The following OTUD7A variants were observed in gnomAD, a reference collection of about 807,000 sequenced individuals.
OTUD7A encodes the protein OTU deubiquitinase 7A, also known as OTU domain-containing protein 7A.
Under a neutral mutation model 65.7 loss-of-function variants are expected in OTUD7A, and 12 were observed. That is an observed-to-expected ratio of 0.18 (90% CI 0.12 to 0.30). The LOEUF is 0.30. Among genes scored for constraint, OTUD7A ranks in the 10% least tolerant of loss-of-function variants. The probability of loss-of-function intolerance (pLI) is 1.00; values close to 1 mark genes in which losing one functional copy is unlikely to be tolerated. For missense variants in OTUD7A, 1,148 were observed against 1,304.8 expected, an observed-to-expected ratio of 0.88 and a Z score of 1.85; for synonymous variants, 641 against 586.3, an observed-to-expected ratio of 1.09 and a Z score of -1.35.
intron 5 of OTUD7A, among the ~76,000 whole-genome samples, chr15:31,548,019 C>T (rs979515263): frequency 2.0e-5 from 3 of 152,214 alleles, no homozygotes; most frequent in Non-Finnish European, 2.9e-5. Flanking sequence ...CTTCTTGCCA[C>T]GCTTGGTCTG....
intron 5 of OTUD7A, among the ~76,000 whole-genome samples, chr15:31,531,482 A>T (rs1887618201): frequency 6.9e-6 from 1 of 144,442 alleles, no homozygotes; most frequent in Non-Finnish European, 1.5e-5. Flanking sequence ...CATATCCCAG[A>T]TTAGATACTG....
chr15:31,863,518 A>T (rs2141019515), intron 1 of OTUD7A, among the ~76,000 whole-genome samples: 1 of 152,310 alleles, frequency 6.6e-6, no homozygotes, highest in East Asian at 1.9e-4. Flanking sequence ...CAGCACCTGG[A>T]AGCTGCTAAG....
At position 31,509,425 on chromosome 15, in the gene OTUD7A, C is replaced by T. The variant is rs574731213; in HGVS notation, c.894-5607G>A. Among the ~76,000 whole-genome samples the T allele has an allele frequency of 2.1e-3, 324 of 152,098 alleles. 1 individual carries two copies. Among genetic ancestry groups the T allele is most frequent in the African/African-American group, 7.4e-3 (306 of 41,506 alleles). On this transcript the variant is annotated intron_variant, in intron 8 of 12. Transcript: ENST00000307050. ...TCCCGAGTAGCTGGGACTACAGGTG[C>T]CTGCCTCCATGCCCGGCTATTTTTT...
In OTUD7A at chr15:31,755,442, C is replaced by A. The variant is rs1894784420; in HGVS notation, c.-99-98365G>T. ...CTTAAACAAAAGTGCTAGTCTTTGG[C>A]TGGGCACGGCAGCTCACGCCTGTAA... is the stretch of plus-strand genomic sequence containing the variant. On this transcript the variant is annotated intron_variant, in intron 1 of 12. Transcript: ENST00000307050. Among the ~76,000 whole-genome samples, 3 of 152,168 alleles carry A rather than the reference C, an allele frequency of 2.0e-5. No homozygotes were observed. The South Asian group carries it at 6.2e-4, about 32-fold the overall frequency.
intron 5 of OTUD7A, among the ~76,000 whole-genome samples, chr15:31,555,280 T>C (rs527744336): frequency 1.3e-5 from 2 of 152,278 alleles, no homozygotes; most frequent in African/African-American, 4.8e-5. Flanking sequence ...ACAGAAATAA[T>C]GTTTCCTGCC....
intron 8 of OTUD7A, among the ~76,000 whole-genome samples, chr15:31,513,351 AC>A (rs1447860260): frequency 1.3e-5 from 2 of 152,222 alleles, no homozygotes; most frequent in African/African-American, 4.8e-5. Context: ...ACATCCTCCT[AC>A]ACAACCACCA....
chr15:31,866,286 TG>T (rs752984093), intron 1 of OTUD7A, among the ~76,000 whole-genome samples: 9 of 152,226 alleles, frequency 5.9e-5, no homozygotes, highest in Non-Finnish European at 1.0e-4. Flanking sequence ...CTTGGCCAGC[TG>T]TAGCTGCTGC....
At chr15:31,671,050 C>A (rs772492963) in intron 1 of OTUD7A, among the ~76,000 whole-genome samples, 18 of 152,234 alleles carry the variant, frequency 1.2e-4, no homozygotes, top group Non-Finnish European at 1.9e-4. Flanking sequence ...CTGACAACAG[C>A]TTCCTTTGCT....
Position 31,483,397 on chromosome 15 carries a change from T to G in OTUD7A, c.2699A>C (p.Glu900Ala), listed in dbSNP as rs1238612822. The change falls in exon 13 of 13, where the codon GAG becomes GCG. Residue 900 changes from glutamate (E) to alanine (A), a missense_variant. Coordinates refer to ENST00000307050, the MANE Select transcript of OTUD7A (RefSeq NM_001382637.1). The part of the protein sequence containing the change: ...PGPVQRRCQR[E>A]NCAFYGRAET... ...GGCGCGCCCGTAGAACGCACAGTTC[T>G]CGCGCTGGCAGCGCCGCTGCACCGG... 2.2e-6 allele frequency: 3 copies of G among 1,346,774 alleles called. No individual in the cohort carries two copies. The highest frequency in any genetic ancestry group is 2.9e-6 in the Non-Finnish European group (3 of 1,047,860). 83.4% of individuals were successfully genotyped at this position (1,346,774 alleles called of 1,614,324 possible). A position where few individuals can be genotyped will look rare whatever the true frequency, so the allele number is the denominator to read the frequency against.
At chr15:31,587,295 T>C (rs12900845) in intron 3 of OTUD7A, among the ~76,000 whole-genome samples, 1,828 of 152,208 alleles carry the variant, frequency 0.012, 14 homozygotes, top group Non-Finnish European at 0.018. Context: ...TCCACCCCAG[T>C]GTGCCCTGTC....
chr15:31,487,153 G>T lies in OTUD7A; in HGVS notation c.1371+41C>A. The T allele has an allele frequency of 1.9e-6, 3 of 1,582,092 alleles. No individual in the cohort carries two copies. Among genetic ancestry groups the T allele is most frequent in the Non-Finnish European group, 2.6e-6 (3 of 1,153,488 alleles). Reference sequence around the variant, plus strand: ...GGTCAGACTGGAGCTGAGCAGCCTGGACCCTGCTGCCAGGTCTGGTCCCAG... The same window carrying T: ...GGTCAGACTGGAGCTGAGCAGCCTGTACCCTGCTGCCAGGTCTGGTCCCAG... On this transcript the variant is annotated intron_variant, in intron 12 of 12. Coordinates refer to ENST00000307050, the MANE Select transcript of OTUD7A (RefSeq NM_001382637.1). The surrounding 1 kb of genome is among the most constrained non-coding windows in gnomAD (Gnocchi z 6.0).
rs192780056 is a variant in OTUD7A, at chr15:31,770,092, C to T, written c.-100+100415G>A. Among the ~76,000 whole-genome samples, 808 of 152,028 alleles carry T rather than the reference C, an allele frequency of 5.3e-3. 7 individuals carry two copies. The highest frequency in any genetic ancestry group is 0.019 in the African/African-American group (769 of 41,448). ...CACAAAAGCAGAACAATGAAAACAA[C>T]GAAGACCAGAACAGAAAACAGAAAA... On this transcript the variant is annotated intron_variant, in intron 1 of 12. Transcript: ENST00000307050.
At chr15:31,548,382 A>C (rs1454482315) in intron 5 of OTUD7A, among the ~76,000 whole-genome samples, 1 of 152,136 alleles carries the variant, frequency 6.6e-6, no homozygotes, top group Non-Finnish European at 1.5e-5. Flanking sequence ...TTATTCTTTT[A>C]AGAAAATCCA....
chr15:31,478,597 C>T lies in OTUD7A; in HGVS notation c.*4697G>A, dbSNP rs1226433514. The T allele has an allele frequency of 6.6e-6, 1 of 152,192 alleles. No individual in the cohort carries two copies. The highest frequency in any genetic ancestry group is 2.4e-5 in the African/African-American group (1 of 41,418). The allele number at this position is 152,192 out of a possible 1,614,324, so 9.4% of individuals were successfully genotyped here. Reference sequence around the variant, plus strand: ...TGTCTTCGGCTCAGCCTGGTGGGGCCAAGTTCTTCATACTGCACAGACTGC... The same window carrying T: ...TGTCTTCGGCTCAGCCTGGTGGGGCTAAGTTCTTCATACTGCACAGACTGC... On this transcript the variant is annotated 3_prime_UTR_variant, in exon 13 of 13. Transcript: ENST00000307050.
intron 1 of OTUD7A, among the ~76,000 whole-genome samples, chr15:31,826,004 T>A (rs992209156): frequency 2.6e-5 from 4 of 152,190 alleles, no homozygotes; most frequent in African/African-American, 9.6e-5. Flanking sequence ...ACAGCCTCCC[T>A]CCCAGCTGCT....
At chr15:31,828,077 T>A (rs190880468) in intron 1 of OTUD7A, among the ~76,000 whole-genome samples, 1 of 152,286 alleles carries the variant, frequency 6.6e-6, no homozygotes, top group African/African-American at 2.4e-5. Flanking sequence ...ATCATTTTGG[T>A]TTTTTCTTTT....
At chr15:31,587,661 G>A (rs1255685559) in intron 3 of OTUD7A, among the ~76,000 whole-genome samples, 5 of 151,068 alleles carry the variant, frequency 3.3e-5, no homozygotes, top group South Asian at 4.2e-4. Flanking sequence ...AAAAGAAAAT[G>A]TAAATCTTAT....
intron 3 of OTUD7A, among the ~76,000 whole-genome samples, chr15:31,628,516 T>A (rs1035440614): frequency 6.6e-6 from 1 of 152,220 alleles, no homozygotes; most frequent in African/African-American, 2.4e-5. Context: ...TAGTTTGAAG[T>A]CAGGTAGGGT....
At chr15:31,566,399 T>C (rs1207230852) in intron 4 of OTUD7A, among the ~76,000 whole-genome samples, 1 of 152,080 alleles carries the variant, frequency 6.6e-6, no homozygotes, top group African/African-American at 2.4e-5. Flanking sequence ...TAGTCTTTAT[T>C]ACAAAGAGAG....
Sources: gnomAD v4.1 joint callset for allele counts (sites outside exome capture counted in the v4.1 genomes callset) on GRCh38, gnomAD v4.1.1 for gene constraint, Gnocchi (gnomAD v3.1) non-coding constraint, MANE v1.5 for transcripts, NCBI Gene and HGNC (gene_info 2026-07-23, HGNC 2026-07-21) for gene names.